The following NBDY variants were observed in gnomAD, a reference collection of about 807,000 sequenced individuals.
NBDY encodes P-body dissociating protein.
chrX:56,782,986 C>A (rs2069703939), intron 2 of NBDY, among the ~76,000 whole-genome samples: 1 of 112,847 alleles, frequency 8.9e-6, no homozygotes, highest in Admixed American at 9.3e-5. Flanking sequence ...CACACAGACA[C>A]ACACACACAC....
At chrX:56,805,126 C>T (rs1339803984) in intron 2 of NBDY, among the ~76,000 whole-genome samples, 1 of 112,064 alleles carries the variant, frequency 8.9e-6, no homozygotes, top group Non-Finnish European at 1.9e-5. Flanking sequence ...AGAAGGGCAA[C>T]AGTACCATGG....
chrX:56,784,893 T>C (rs760295577), intron 2 of NBDY, among the ~76,000 whole-genome samples: 19 of 112,594 alleles, frequency 1.7e-4, no homozygotes, highest in Non-Finnish European at 2.8e-4. Flanking sequence ...CTCTAAAGGT[T>C]ACATATGCTA....
At chrX:56,801,296 C>G (rs972418166) in intron 2 of NBDY, among the ~76,000 whole-genome samples, 10 of 111,332 alleles carry the variant, frequency 9.0e-5, no homozygotes, top group African/African-American at 3.3e-4. Flanking sequence ...TATTGTCTTT[C>G]TGGTTCTTCT....
chrX:56,783,130 G>A (rs766008496), intron 2 of NBDY, among the ~76,000 whole-genome samples: 32 of 112,947 alleles, frequency 2.8e-4, no homozygotes, highest in African/African-American at 9.6e-4. Context: ...AAATGGTGGC[G>A]TGTGGCCCTC....
chrX:56,781,238 C>G (rs1440686310), intron 2 of NBDY, among the ~76,000 whole-genome samples: 1 of 111,916 alleles, frequency 8.9e-6, no homozygotes. Flanking sequence ...TGCCTAGACA[C>G]CTTCATTCAC....
At chrX:56,780,537 T>C (rs1299167092) in intron 2 of NBDY, among the ~76,000 whole-genome samples, 10 of 37,362 alleles carry the variant, frequency 2.7e-4, no homozygotes, top group African/African-American at 8.6e-4. Context: ...GCAAATGTTT[T>C]CTGTCTTGGC....
At chrX:56,760,684 C>CA (rs2069633573) in intron 2 of NBDY, among the ~76,000 whole-genome samples, 1 of 111,594 alleles carries the variant, frequency 9.0e-6, no homozygotes, top group African/African-American at 3.3e-5. Context: ...AACTCTGTCT[C>CA]AAAAAACAAA....
chrX:56,808,382 G>A (rs930224246), intron 2 of NBDY, among the ~76,000 whole-genome samples: 1 of 111,725 alleles, frequency 9.0e-6, no homozygotes. Flanking sequence ...GAATCCGTCT[G>A]GTCCTGGACT....
intron 2 of NBDY, among the ~76,000 whole-genome samples, chrX:56,807,002 G>A (rs977052505): frequency 8.9e-6 from 1 of 111,755 alleles, no homozygotes; most frequent in Middle Eastern, 4.6e-3. Context: ...TAAAGTGTAA[G>A]GAAGGGTTCC....
chrX:56,794,980 GC>G (rs1486872703), intron 2 of NBDY, among the ~76,000 whole-genome samples: 2 of 111,986 alleles, frequency 1.8e-5, no homozygotes, highest in Non-Finnish European at 3.8e-5. Context: ...ACTCATTCGT[GC>G]CCAGAAGTGG....
intron 2 of NBDY, among the ~76,000 whole-genome samples, chrX:56,786,196 G>A (rs938006352): frequency 1.0e-4 from 11 of 110,172 alleles, no homozygotes; most frequent in Non-Finnish European, 1.5e-4. Flanking sequence ...CCTTGTAGTC[G>A]GCTGATGACA....
chrX:56,731,608 G>GA (rs1393646283), intron 1 of NBDY, among the ~76,000 whole-genome samples: 1 of 110,482 alleles, frequency 9.1e-6, no homozygotes, highest in Non-Finnish European at 1.9e-5. Context: ...AAATAAAAAG[G>GA]AAAAAGAAAA....
At chrX:56,795,145 C>T (rs951054965) in intron 2 of NBDY, among the ~76,000 whole-genome samples, 8 of 112,135 alleles carry the variant, frequency 7.1e-5, no homozygotes, top group Non-Finnish European at 1.5e-4. Context: ...ATGGGTAGCT[C>T]GCTTTCACCT....
At chrX:56,803,443 A>G (rs1198284592) in intron 2 of NBDY, among the ~76,000 whole-genome samples, 1 of 111,816 alleles carries the variant, frequency 8.9e-6, no homozygotes, top group Non-Finnish European at 1.9e-5. Flanking sequence ...GGCCGTCAGT[A>G]GTCAGTGGCT....
At chrX:56,802,216 C>CAA (rs1569292101) in intron 2 of NBDY, among the ~76,000 whole-genome samples, 1 of 112,155 alleles carries the variant, frequency 8.9e-6, no homozygotes, top group Non-Finnish European at 1.9e-5. Context: ...CTAAGGCCTT[C>CAA]TCCTGAGAAT....
chrX:56,732,014 G>A (rs1047681052), intron 1 of NBDY, 49 bp from the exon 2 acceptor site: 4 of 290,142 alleles, frequency 1.4e-5, no homozygotes, highest in African/African-American at 8.3e-5. Flanking sequence ...ACAAAGAGAT[G>A]GACAAAAACA....
chrX:56,735,941 C>G (rs2069487429), intron 2 of NBDY, among the ~76,000 whole-genome samples: 1 of 91,902 alleles, frequency 1.1e-5, no homozygotes, highest in Non-Finnish European at 2.2e-5. Context: ...AATAATCTGA[C>G]TAGCAAAAAA....
chrX:56,761,311 T>C (rs1314224726), intron 2 of NBDY, among the ~76,000 whole-genome samples: 1 of 112,920 alleles, frequency 8.9e-6, no homozygotes, highest in African/African-American at 3.2e-5. Context: ...GCTTCCCGGT[T>C]CCATCTTGTT....
chrX:56,730,708 G>A (rs1179706297), intron 1 of NBDY, among the ~76,000 whole-genome samples: 1 of 108,939 alleles, frequency 9.2e-6, no homozygotes, highest in Non-Finnish European at 1.9e-5. Context: ...AGGAGGTGAA[G>A]ATAAAGTGCT....
Sources: gnomAD v4.1 joint callset for allele counts (sites outside exome capture counted in the v4.1 genomes callset) on GRCh38, gnomAD v4.1.1 for gene constraint, MANE v1.5 for transcripts, NCBI Gene and HGNC (gene_info 2026-07-23, HGNC 2026-07-21) for gene names.